The following SOX5 variants were observed in gnomAD, a reference collection of about 807,000 sequenced individuals.
SOX5 encodes SRY-box transcription factor 5, also known as transcription factor SOX-5.
SOX5 carries 9 observed loss-of-function variants against 92.0 expected under a neutral mutation model. The ratio of observed to expected loss-of-function variants is 0.10; its 90% confidence interval spans 0.06 to 0.17. The LOEUF (loss-of-function observed/expected upper bound fraction) is 0.17. Among genes scored for constraint, SOX5 ranks in the 10% least tolerant of loss-of-function variants. The pLI, the probability that SOX5 is intolerant of heterozygous loss-of-function variation, is 1.00. For synonymous variants in SOX5, 344 were observed against 336.3 expected, an observed-to-expected ratio of 1.02 and a Z score of -0.25; for missense variants, 642 against 944.5, an observed-to-expected ratio of 0.68 and a Z score of 4.20.
At chr12:24,561,430 T>C (rs1411922478) in intron 1 of SOX5, among the ~76,000 whole-genome samples, 1 of 151,780 alleles carries the variant, frequency 6.6e-6, no homozygotes. Flanking sequence ...AAACAGTGCT[T>C]CGTGTGCATC....
At chr12:24,375,924 CTAAGTA>C (rs937659429) in intron 1 of SOX5, among the ~76,000 whole-genome samples, 19 of 151,912 alleles carry the variant, frequency 1.3e-4, no homozygotes, top group African/African-American at 3.1e-4. Flanking sequence ...TCCACCTTCT[CTAAGTA>C]TATCAGGTCC....
intron 3 of SOX5, among the ~76,000 whole-genome samples, chr12:23,779,073 C>T (rs909094263): frequency 2.0e-5 from 3 of 152,134 alleles, no homozygotes; most frequent in Non-Finnish European, 4.4e-5. Context: ...TCACTGCTTC[C>T]AGCATAAGAT....
At chr12:24,349,648 T>C (rs1953815398) in intron 2 of SOX5, among the ~76,000 whole-genome samples, 1 of 152,262 alleles carries the variant, frequency 6.6e-6, no homozygotes, top group Admixed American at 6.5e-5. Context: ...TTCTGTTGTA[T>C]GTACATAACA....
chr12:24,417,846 A>G (rs1965283282), intron 1 of SOX5, among the ~76,000 whole-genome samples: 1 of 152,188 alleles, frequency 6.6e-6, no homozygotes, highest in Non-Finnish European at 1.5e-5. Flanking sequence ...AGAAGAAGCC[A>G]GGGAAGAACA....
At chr12:23,900,795 A>T (rs1307377008) in intron 1 of SOX5, among the ~76,000 whole-genome samples, 1 of 152,024 alleles carries the variant, frequency 6.6e-6, no homozygotes, top group East Asian at 1.9e-4. Context: ...CCCCATCTCT[A>T]CTGAAATACA....
rs538679752 is a variant in SOX5, at chr12:23,636,271, T to C, written c.1017+4541A>G. On this transcript the variant is annotated intron_variant, in intron 8 of 14. Transcript: ENST00000451604. Reference sequence around the variant, plus strand: ...TCCATTAAATAACAAATATATATGATGATTTTTAGAATATTTTAACTGCTT... The same window carrying C: ...TCCATTAAATAACAAATATATATGACGATTTTTAGAATATTTTAACTGCTT... Among the ~76,000 whole-genome samples, 120 of 152,326 alleles carry C rather than the reference T, an allele frequency of 7.9e-4. 1 individual carries two copies. The South Asian group carries it at 0.024, about 30-fold the overall frequency.
At chr12:24,447,132 C>G (rs966001819) in intron 1 of SOX5, among the ~76,000 whole-genome samples, 3 of 152,148 alleles carry the variant, frequency 2.0e-5, no homozygotes, top group African/African-American at 7.2e-5. Flanking sequence ...GTTTAACTCC[C>G]CTCCTCTTGA....
At chr12:23,719,556 G>A (rs765693549) in intron 6 of SOX5, among the ~76,000 whole-genome samples, 9 of 151,982 alleles carry the variant, frequency 5.9e-5, no homozygotes, top group Non-Finnish European at 1.3e-4. Context: ...GACCAGCCTG[G>A]GCAACATAGG....
intron 1 of SOX5, among the ~76,000 whole-genome samples, chr12:24,401,344 T>G (rs547729318): frequency 7.7e-6 from 1 of 130,488 alleles, no homozygotes; most frequent in Non-Finnish European, 1.6e-5. Context: ...AGAGCAAGAC[T>G]CCATCTCAGG....
chr12:23,657,241 A>G (rs950894737), intron 7 of SOX5, among the ~76,000 whole-genome samples: 1 of 152,130 alleles, frequency 6.6e-6, no homozygotes, highest in Non-Finnish European at 1.5e-5. Flanking sequence ...GATGTCATGG[A>G]GTTACCATAT....
intron 1 of SOX5, among the ~76,000 whole-genome samples, chr12:24,512,209 A>T (rs941742231): frequency 6.6e-6 from 1 of 152,196 alleles, no homozygotes; most frequent in African/African-American, 2.4e-5. Context: ...ACTCGAGGTA[A>T]AGTGATACTC....
intron 4 of SOX5, among the ~76,000 whole-genome samples, chr12:23,979,649 C>G (rs565988562): frequency 1.2e-4 from 17 of 145,272 alleles, no homozygotes; most frequent in Non-Finnish European, 1.9e-4. Context: ...GCATGAGAAC[C>G]TCACAAATCG....
intron 4 of SOX5, among the ~76,000 whole-genome samples, chr12:24,053,392 A>T (rs11047237): frequency 0.041 from 6,186 of 152,176 alleles, 169 homozygotes; most frequent in Middle Eastern, 0.088. Context: ...GGGCTCCCAA[A>T]GTGCTGTGAT....
chr12:23,790,541 CAA>C (rs71452241), intron 3 of SOX5, among the ~76,000 whole-genome samples: 127,340 of 146,674 alleles, frequency 0.87, 55,284 homozygotes, highest in East Asian at 0.94. Flanking sequence ...CTCTCTCTCT[CAA>C]TCTCTCACAC....
chr12:23,538,819 G>GAGAC (rs1941230350), intron 13 of SOX5, among the ~76,000 whole-genome samples: 4 of 49,344 alleles, frequency 8.1e-5, no homozygotes, highest in South Asian at 7.0e-4. Context: ...TTTTTTTTTT[G>GAGAC]AGACAGAGTC....
At chr12:24,511,689 T>C (rs756286373) in intron 1 of SOX5, among the ~76,000 whole-genome samples, 2 of 152,150 alleles carry the variant, frequency 1.3e-5, no homozygotes, top group Non-Finnish European at 2.9e-5. Context: ...CCGGGCGCAG[T>C]GGCTCACGTC....
chr12:23,650,246 G>A (rs561658285), intron 7 of SOX5, among the ~76,000 whole-genome samples: 3 of 152,070 alleles, frequency 2.0e-5, no homozygotes, highest in Non-Finnish European at 4.4e-5. Context: ...AAAGAGACTC[G>A]ATAGTCAAGG....
At chr12:24,562,495 TGTGC>T, upstream of SOX5, 1 of 153,362 alleles carries the variant, frequency 6.5e-6, no homozygotes, top group Non-Finnish European at 1.4e-5. Context: ...TGTGTGTGTG[TGTGC>T]GCGCGCGTGT....
intron 2 of SOX5, among the ~76,000 whole-genome samples, chr12:24,296,082 T>C (rs1947207690): frequency 6.6e-6 from 1 of 152,178 alleles, no homozygotes; most frequent in Admixed American, 6.5e-5. Flanking sequence ...AGAAATAAAA[T>C]ATCCTAACAC....
Sources: gnomAD v4.1 joint callset for allele counts (sites outside exome capture counted in the v4.1 genomes callset) on GRCh38, gnomAD v4.1.1 for gene constraint, MANE v1.5 for transcripts, NCBI Gene and HGNC (gene_info 2026-07-23, HGNC 2026-07-21) for gene names.